Variants in GRID2 observed in about 807,000 individuals in gnomAD.
GRID2 encodes the protein glutamate receptor ionotropic, delta-2.
Under a neutral mutation model 114.8 loss-of-function variants are expected in GRID2, and 33 were observed. The observed-to-expected ratio is 0.29, with a 90% CI of 0.22 to 0.38. The LOEUF (loss-of-function observed/expected upper bound fraction) is 0.38, where lower values mean the gene tolerates loss of function less well. GRID2 is among the 10% of genes least tolerant of loss of function. The probability of loss-of-function intolerance (pLI) is 1.00; values close to 1 mark genes in which losing one functional copy is unlikely to be tolerated. For missense variants in GRID2, 1,184 were observed against 1,257.7 expected (o/e 0.94, Z 0.89); for synonymous variants, 505 against 449.9 (o/e 1.12, Z -1.55).
At chr4:93,292,611 C>T (rs1753865398) in intron 8 of GRID2, among the ~76,000 whole-genome samples, 1 of 152,126 alleles carries the variant, frequency 6.6e-6, no homozygotes, top group Non-Finnish European at 1.5e-5. Context: ...CAAAAAATGC[C>T]AGTCACTCCA....
intron 2 of GRID2, among the ~76,000 whole-genome samples, chr4:92,923,881 C>A (rs1344959015): frequency 3.9e-5 from 6 of 152,236 alleles, no homozygotes; most frequent in Non-Finnish European, 7.4e-5. Context: ...CCATTTGACC[C>A]AGCAATCTGA....
At chr4:93,058,552 A>G (rs1031499422) in intron 2 of GRID2, among the ~76,000 whole-genome samples, 7 of 151,822 alleles carry the variant, frequency 4.6e-5, no homozygotes, top group Admixed American at 2.6e-4. Context: ...CACACCATTG[A>G]AATTGGTAAT....
chr4:92,409,200 G>A (rs1731178278), intron 1 of GRID2, among the ~76,000 whole-genome samples: 1 of 152,124 alleles, frequency 6.6e-6, no homozygotes. Flanking sequence ...GTTATTGAAA[G>A]CTTTTCACGT....
At chr4:93,140,157 TTTC>T (rs1469191238) in intron 4 of GRID2, among the ~76,000 whole-genome samples, 4 of 114,778 alleles carry the variant, frequency 3.5e-5, no homozygotes, top group African/African-American at 1.4e-4. Context: ...TTTCTTTTCT[TTTC>T]TTTTTTTTTT....
intron 1 of GRID2, among the ~76,000 whole-genome samples, chr4:92,496,850 A>T (rs1004069001): frequency 4.0e-5 from 6 of 151,698 alleles, no homozygotes; most frequent in East Asian, 1.9e-4. Flanking sequence ...GATCCTCCAG[A>T]TATCTTTTTC....
chr4:92,806,174 C>CACAG (rs749761780), intron 2 of GRID2, among the ~76,000 whole-genome samples: 9 of 144,442 alleles, frequency 6.2e-5, no homozygotes, highest in Non-Finnish European at 1.2e-4. Flanking sequence ...TCGACACACA[C>CACAG]ACACACACAC....
chr4:93,507,993 C>G (rs1238323153), intron 12 of GRID2, among the ~76,000 whole-genome samples: 1 of 151,714 alleles, frequency 6.6e-6, no homozygotes, highest in Non-Finnish European at 1.5e-5. Context: ...GAACATCACA[C>G]ACCGGAGACT....
At chr4:93,726,609 A>T (rs1173410208) in intron 14 of GRID2, among the ~76,000 whole-genome samples, 5 of 152,074 alleles carry the variant, frequency 3.3e-5, no homozygotes, top group Non-Finnish European at 7.4e-5. Context: ...GATTCTTCCT[A>T]CCCATGAGCA....
chr4:93,529,943 C>A (rs1444501866), intron 13 of GRID2, among the ~76,000 whole-genome samples: 1 of 152,108 alleles, frequency 6.6e-6, no homozygotes, highest in Non-Finnish European at 1.5e-5. Context: ...CAAGTTGACG[C>A]TTATCTTTCT....
chr4:93,689,989 ATTTAT>A (rs1172270922), intron 14 of GRID2, among the ~76,000 whole-genome samples: 1 of 152,102 alleles, frequency 6.6e-6, no homozygotes, highest in Non-Finnish European at 1.5e-5. Flanking sequence ...TAACATTTGA[ATTTAT>A]TTTATTCTGG....
intron 2 of GRID2, among the ~76,000 whole-genome samples, chr4:92,737,911 A>G (rs1346362589): frequency 1.3e-5 from 2 of 152,100 alleles, no homozygotes; most frequent in African/African-American, 4.8e-5. Context: ...ATTGCCTCCA[A>G]AATACCAGCT....
At chr4:92,415,374 G>C (rs1731544856) in intron 1 of GRID2, among the ~76,000 whole-genome samples, 1 of 151,576 alleles carries the variant, frequency 6.6e-6, no homozygotes, top group Non-Finnish European at 1.5e-5. Context: ...TGGTTGCATG[G>C]AAAAGTTCTT....
chr4:92,827,632 A>G (rs918090551), intron 2 of GRID2, among the ~76,000 whole-genome samples: 2 of 152,062 alleles, frequency 1.3e-5, no homozygotes, highest in Non-Finnish European at 2.9e-5. Context: ...TATTTCAGAG[A>G]AGCCATTTCA....
At chr4:92,582,791 G>A (rs968407880) in intron 1 of GRID2, among the ~76,000 whole-genome samples, 1 of 151,790 alleles carries the variant, frequency 6.6e-6, no homozygotes, top group Non-Finnish European at 1.5e-5. Context: ...TTCGAGATAA[G>A]CCTGGGCAAC....
intron 4 of GRID2, among the ~76,000 whole-genome samples, chr4:93,158,691 G>C (rs558154245): frequency 9.1e-4 from 138 of 151,734 alleles, no homozygotes; most frequent in Non-Finnish European, 1.7e-3. Context: ...TCTGGAGTTC[G>C]AGTTTGGCAA....
intron 2 of GRID2, among the ~76,000 whole-genome samples, chr4:93,018,033 A>C (rs1319218240): frequency 6.6e-6 from 1 of 151,846 alleles, no homozygotes; most frequent in Non-Finnish European, 1.5e-5. Context: ...GGAAGAAAAC[A>C]CAAACTGATT....
intron 8 of GRID2, among the ~76,000 whole-genome samples, chr4:93,347,462 G>A (rs1392812030): frequency 6.6e-6 from 1 of 151,984 alleles, no homozygotes; most frequent in Non-Finnish European, 1.5e-5. Context: ...AGGAACAGAT[G>A]ATATGTCATA....
intron 2 of GRID2, among the ~76,000 whole-genome samples, chr4:92,962,782 T>G (rs1274056635): frequency 6.6e-6 from 1 of 151,938 alleles, no homozygotes; most frequent in Admixed American, 6.6e-5. Flanking sequence ...TCTCAGAATT[T>G]TCCACACTGA....
chr4:93,175,884 C>G (rs908553439), intron 4 of GRID2, among the ~76,000 whole-genome samples: 3 of 152,076 alleles, frequency 2.0e-5, no homozygotes, highest in Admixed American at 6.6e-5. Context: ...AACAAAGCAC[C>G]ATGTGAGGAT....
Sources: allele counts gnomAD v4.1 joint callset (sites outside exome capture counted in the v4.1 genomes callset), GRCh38; gene constraint gnomAD v4.1.1; transcripts MANE v1.5; gene names NCBI Gene and HGNC (gene_info 2026-07-23, HGNC 2026-07-21).